Variants in NEK10 observed in about 807,000 individuals in gnomAD.
NEK10 encodes the protein NIMA related kinase 10, also known as serine/threonine-protein kinase Nek10.
Under a neutral mutation model 159.8 loss-of-function variants are expected in NEK10, and 122 were observed. The ratio of observed to expected loss-of-function variants is 0.76; its 90% CI spans 0.66 to 0.89. The LOEUF is 0.89. Ranked by LOEUF, NEK10 falls within the 40% of genes least tolerant of loss-of-function variation. The pLI is 0.00. For synonymous variants in NEK10, 466 were observed against 457.1 expected, an observed-to-expected ratio of 1.02 and a Z score of -0.25; for missense variants, 1,342 against 1,323.1, an observed-to-expected ratio of 1.01 and a Z score of -0.22.
chr3:27,353,898 C>T (rs552688592), intron 1 of NEK10, among the ~76,000 whole-genome samples: 1 of 151,892 alleles, frequency 6.6e-6, no homozygotes, highest in Admixed American at 6.6e-5. Context: ...TATTTTTACT[C>T]TAAAAGAAAG....
At chr3:27,201,753 A>G (rs1387127058) in intron 24 of NEK10, among the ~76,000 whole-genome samples, 173 bp from the exon 25 acceptor site, 1 of 152,206 alleles carries the variant, frequency 6.6e-6, no homozygotes, top group Non-Finnish European at 1.5e-5. Context: ...ACAGCTCTTG[A>G]ACTGGAATTA....
intron 25 of NEK10, among the ~76,000 whole-genome samples, chr3:27,192,623 C>G (rs1018928166): frequency 8.0e-5 from 12 of 149,912 alleles, no homozygotes; most frequent in African/African-American, 2.7e-4. Flanking sequence ...AGCCCAGTGT[C>G]TAAACCTTTC....
chr3:27,125,129 T>C (rs149575046), intron 32 of NEK10, among the ~76,000 whole-genome samples: 18 of 152,288 alleles, frequency 1.2e-4, no homozygotes, highest in Non-Finnish European at 2.1e-4. Context: ...GACTGTATCA[T>C]TGTTACTACC....
intron 23 of NEK10, among the ~76,000 whole-genome samples, chr3:27,242,061 C>G (rs747039947): frequency 1.3e-5 from 2 of 152,190 alleles, no homozygotes; most frequent in Non-Finnish European, 2.9e-5. Flanking sequence ...AACACTTCTA[C>G]TTTTAACATT....
chr3:27,138,191 G>A (rs1943416952), intron 31 of NEK10, among the ~76,000 whole-genome samples: 1 of 152,110 alleles, frequency 6.6e-6, no homozygotes, highest in Admixed American at 6.5e-5. Flanking sequence ...CAACTCTGCA[G>A]GTCGCTCCCC....
intron 30 of NEK10, among the ~76,000 whole-genome samples, chr3:27,146,655 A>G (rs140191528): frequency 2.0e-5 from 3 of 152,370 alleles, no homozygotes; most frequent in Admixed American, 2.0e-4. Flanking sequence ...GTCCCTGGTT[A>G]GATGAAGAAT....
intron 23 of NEK10, among the ~76,000 whole-genome samples, chr3:27,203,836 A>G (rs924971558): frequency 1.3e-5 from 2 of 152,220 alleles, no homozygotes; most frequent in African/African-American, 4.8e-5. Context: ...TTTGCAAAGA[A>G]AAGTATGATT....
rs116677822 is a variant in NEK10 at position 27,108,852 on chromosome 3, G to A, written c.*2420C>T. On this transcript the variant is annotated 3_prime_UTR_variant, in exon 36 of 36. Coordinates refer to ENST00000691995, the MANE Select transcript of NEK10 (RefSeq NM_001394966.1). ...TGGGATGTGACTCTATGTACAAAATGGTGCTTTTGCCAGAGCCTGACTTTC... is the reference window on the plus strand; with the variant it reads ...TGGGATGTGACTCTATGTACAAAATAGTGCTTTTGCCAGAGCCTGACTTTC... 9.9e-5 allele frequency among the ~76,000 whole-genome samples: 15 copies of A among 152,256 alleles called. No individual in the cohort carries two copies. Among genetic ancestry groups the A allele is most frequent in the African/African-American group, 3.4e-4 (14 of 41,552 alleles).
chr3:27,265,406 G>A (rs745688439), intron 22 of NEK10, among the ~76,000 whole-genome samples: 3 of 152,192 alleles, frequency 2.0e-5, no homozygotes, highest in East Asian at 1.9e-4. Context: ...AAATTTGAGC[G>A]TTCCAGTTGC....
intron 23 of NEK10, among the ~76,000 whole-genome samples, chr3:27,249,150 T>G (rs890722806): frequency 6.6e-6 from 1 of 152,222 alleles, no homozygotes; most frequent in Non-Finnish European, 1.5e-5. Context: ...TAGTTCCTCC[T>G]GCATTCATTC....
At chr3:27,353,930 G>C (rs2048149348) in intron 1 of NEK10, among the ~76,000 whole-genome samples, 1 of 152,166 alleles carries the variant, frequency 6.6e-6, no homozygotes, top group East Asian at 1.9e-4. Flanking sequence ...AGAAGGGAGA[G>C]AAGGGGAGGT....
At chr3:27,112,684 A>G (rs1939746879) in intron 35 of NEK10, among the ~76,000 whole-genome samples, 2 of 152,218 alleles carry the variant, frequency 1.3e-5, no homozygotes, top group Non-Finnish European at 1.5e-5. Flanking sequence ...CAGAGTCTTT[A>G]ATATAGTAAT....
At chr3:27,290,091 C>T (rs1045518849) in intron 19 of NEK10, among the ~76,000 whole-genome samples, 16 of 152,184 alleles carry the variant, frequency 1.1e-4, no homozygotes, top group Non-Finnish European at 2.4e-4. Flanking sequence ...AATGTTTATT[C>T]TTCCTCCTCA....
rs369819834 is a variant in NEK10 at position 27,192,102 on chromosome 3, C to A, written c.2432G>T (p.Arg811Leu). ...GGCTTCCATAAAATACCTTTGTGTG[C>A]GTCTTCGTTCCCGTTCTAGCTTCTT... ...LEKKLERERR[R>L]TQRYFMEANR... The change falls in exon 26 of 36, where the codon CGC (arginine) becomes CTC (leucine). Residue 811 changes from arginine (R) to leucine (L), a missense_variant. Coordinates refer to ENST00000691995, the MANE Select transcript of NEK10 (RefSeq NM_001394966.1). 1.2e-6 allele frequency: 2 copies of A among 1,614,030 alleles called. No homozygotes were observed. The highest frequency in any genetic ancestry group is 1.1e-5 in the South Asian group (1 of 91,080).
chr3:27,236,682 G>A (rs1239779344), intron 23 of NEK10, among the ~76,000 whole-genome samples: 1 of 152,132 alleles, frequency 6.6e-6, no homozygotes, highest in African/African-American at 2.4e-5. Flanking sequence ...GGGAGAGGGT[G>A]TATGAACAGG....
chr3:27,335,339 CAA>C (rs3036447), intron 5 of NEK10, among the ~76,000 whole-genome samples: 14 of 98,326 alleles, frequency 1.4e-4, no homozygotes, highest in Non-Finnish European at 1.6e-4. Flanking sequence ...AACTCTGTCT[CAA>C]AAAAAAAAAA....
intron 1 of NEK10, among the ~76,000 whole-genome samples, chr3:27,358,758 ACT>A (rs2048482761): frequency 6.6e-6 from 1 of 152,220 alleles, no homozygotes; most frequent in African/African-American, 2.4e-5. Context: ...CCTCATATTT[ACT>A]AAATATAAAA....
At chr3:27,156,716 G>A (rs372297826) in intron 30 of NEK10, among the ~76,000 whole-genome samples, 12 of 151,630 alleles carry the variant, frequency 7.9e-5, no homozygotes, top group African/African-American at 2.7e-4. Flanking sequence ...AATGTAACTA[G>A]TACAATCACT....
intron 30 of NEK10, chr3:27,143,449 C>A (rs770836276): frequency 5.3e-6 from 4 of 761,614 alleles, no homozygotes; most frequent in Non-Finnish European, 9.6e-6. Flanking sequence ...CTCTACCTTG[C>A]CACAAGAATG....
Sources: allele counts gnomAD v4.1 joint callset (sites outside exome capture counted in the v4.1 genomes callset), GRCh38; gene constraint gnomAD v4.1.1; transcripts MANE v1.5; gene names NCBI Gene and HGNC (gene_info 2026-07-23, HGNC 2026-07-21).